The following DLC1 variants were observed in gnomAD, a reference collection of about 807,000 sequenced individuals.
DLC1 encodes the protein rho GTPase-activating protein 7.
Under a neutral mutation model 140.3 loss-of-function variants are expected in DLC1, and 54 were observed. The ratio of observed to expected loss-of-function variants is 0.38; its 90% CI spans 0.31 to 0.48. DLC1 has a LOEUF of 0.48. Among genes scored for constraint, DLC1 ranks in the 20% least tolerant of loss-of-function variants. The pLI is 0.96. For missense variants in DLC1, 2,536 were observed against 1,907.0 expected, an observed-to-expected ratio of 1.33 and a Z score of -6.14; for synonymous variants, 986 against 728.1, an observed-to-expected ratio of 1.35 and a Z score of -5.70.
chr8:13,262,638 G>T (rs548754656), intron 5 of DLC1, among the ~76,000 whole-genome samples: 76 of 152,274 alleles, frequency 5.0e-4, no homozygotes, highest in Admixed American at 4.1e-3. Context: ...TAACTCACTT[G>T]CAGCCTTGAG....
chr8:13,119,384 T>C (rs1176558736), intron 5 of DLC1, among the ~76,000 whole-genome samples: 3 of 152,132 alleles, frequency 2.0e-5, no homozygotes, highest in African/African-American at 4.8e-5. Context: ...TTCAGTGAAT[T>C]ATCTGGCCTG....
intron 4 of DLC1, among the ~76,000 whole-genome samples, chr8:13,309,947 A>G (rs1008614483): frequency 2.0e-5 from 3 of 152,198 alleles, no homozygotes; most frequent in African/African-American, 7.2e-5. Context: ...TATTTTAGAA[A>G]TGAAATGAAA....
At chr8:13,433,075 A>G (rs1838959010) in intron 2 of DLC1, among the ~76,000 whole-genome samples, 1 of 152,054 alleles carries the variant, frequency 6.6e-6, no homozygotes, top group Non-Finnish European at 1.5e-5. Context: ...ACGATGGAGT[A>G]AAGCCACTGA....
At chr8:13,260,491 G>GT (rs1303409438) in intron 5 of DLC1, among the ~76,000 whole-genome samples, 1 of 152,136 alleles carries the variant, frequency 6.6e-6, no homozygotes, top group Non-Finnish European at 1.5e-5. Flanking sequence ...AGATAATGAA[G>GT]TTAATTGTGG....
chr8:13,096,413 G>GC (rs1180101973), intron 10 of DLC1, among the ~76,000 whole-genome samples: 2 of 152,104 alleles, frequency 1.3e-5, no homozygotes, highest in Non-Finnish European at 2.9e-5. Flanking sequence ...AGCAGCCATG[G>GC]CATGTTACTG....
At chr8:13,552,244 C>CCACTT in intron 1 of DLC1, among the ~76,000 whole-genome samples, 1 of 144,986 alleles carries the variant, frequency 6.9e-6, no homozygotes, top group African/African-American at 2.5e-5. Flanking sequence ...TATATATACC[C>CCACTT]CCATACCTGT....
rs750641342 is a variant in DLC1, at chr8:13,499,138, C to A, written c.934G>T (p.Ala312Ser). The change falls in exon 2 of 18, where the codon GCA becomes TCA. Residue 312 changes from alanine (A) to serine (S), a missense_variant. By Grantham distance (99) the Ala-to-Ser change is moderately conservative (BLOSUM62 1). Transcript: ENST00000276297. ...HQNKSPPKVK[A>S]EDGMQCLQLK... The stretch of plus-strand genomic sequence containing the variant: ...TGTAAACACTGCATGCCATCTTCTG[C>A]CTTGACCTTTGGTGGACTTTTGTTT... 2 of 1,614,176 alleles carry A rather than the reference C, an allele frequency of 1.2e-6. No homozygotes were observed. The highest frequency in any genetic ancestry group is 2.2e-5 in the East Asian group (1 of 44,878).
In DLC1 at chr8:13,567,584, A is replaced by T. The variant is rs778316337; in HGVS notation, c.-126+36953T>A. 5.8e-6 allele frequency: 9 copies of T among 1,551,666 alleles called. No homozygotes were observed. In the East Asian group the frequency reaches 2.2e-4, roughly 38 times the overall value. ...GCAGCTAAGCAACACATATCTTATCAGTGTCCCTATTGTAACAGGAAAAGA... is the reference window on the plus strand; with the variant it reads ...GCAGCTAAGCAACACATATCTTATCTGTGTCCCTATTGTAACAGGAAAAGA... On this transcript the variant is annotated intron_variant, in intron 1 of 1. Transcript: ENST00000631382.
chr8:13,175,295 G>A (rs1333175077), intron 5 of DLC1, among the ~76,000 whole-genome samples: 1 of 128,572 alleles, frequency 7.8e-6, no homozygotes, highest in Non-Finnish European at 1.6e-5. Flanking sequence ...GTAATGTGAT[G>A]CCTCCAGCTT....
chr8:13,269,031 G>A (rs1830811896), intron 5 of DLC1, among the ~76,000 whole-genome samples: 1 of 151,726 alleles, frequency 6.6e-6, no homozygotes, highest in African/African-American at 2.4e-5. Flanking sequence ...CCGCCACCAC[G>A]CCTGGCTAAT....
rs976419008 is a variant in DLC1 at position 13,356,917 on chromosome 8, G to T, written c.1314+36636C>A. On this transcript the variant is annotated intron_variant, in intron 4 of 17. Coordinates refer to ENST00000276297, the MANE Select transcript of DLC1 (RefSeq NM_182643.3). ...TCACCCTTAAGATGTTAGTGTTAGG[G>T]TTGCAGAAAGTCTTGTAGGGTAGAG... 2.6e-5 allele frequency among the ~76,000 whole-genome samples: 4 copies of T among 151,670 alleles called. No homozygotes were observed. In the East Asian group the frequency reaches 7.7e-4, roughly 29 times the overall value.
chr8:13,594,178 T>A (rs532018031), intron 1 of DLC1, among the ~76,000 whole-genome samples: 1 of 151,948 alleles, frequency 6.6e-6, no homozygotes, highest in East Asian at 1.9e-4. Flanking sequence ...GGAAAAAAGA[T>A]CCTCTTTTTA....
At chr8:13,414,654 A>G (rs116179838) in intron 2 of DLC1, among the ~76,000 whole-genome samples, 1,796 of 152,338 alleles carry the variant, frequency 0.012, 45 homozygotes, top group African/African-American at 0.041. Flanking sequence ...AAAAGATAAG[A>G]TTCAAAGAGA....
intron 5 of DLC1, among the ~76,000 whole-genome samples, chr8:13,149,945 G>A (rs1823689363): frequency 6.6e-6 from 1 of 152,156 alleles, no homozygotes; most frequent in Non-Finnish European, 1.5e-5. Context: ...CACATACTTT[G>A]TTTAAAGAAA....
intron 5 of DLC1, among the ~76,000 whole-genome samples, chr8:13,139,866 T>C (rs895981651): frequency 1.3e-5 from 2 of 152,264 alleles, no homozygotes; most frequent in East Asian, 1.9e-4. Context: ...TACTTTCCCA[T>C]TGAATTAGCT....
At chr8:13,139,780 C>A (rs1159551351) in intron 5 of DLC1, among the ~76,000 whole-genome samples, 1 of 152,150 alleles carries the variant, frequency 6.6e-6, no homozygotes, top group Non-Finnish European at 1.5e-5. Flanking sequence ...TTCGTGTGTC[C>A]CCTGACTACA....
chr8:13,570,451 C>G (rs190324884), intron 1 of DLC1, among the ~76,000 whole-genome samples: 1 of 121,312 alleles, frequency 8.2e-6, no homozygotes, highest in African/African-American at 3.1e-5. Context: ...CCCCCTCCCC[C>G]CACCCCACCA....
At chr8:13,453,579 TAGA>T (rs1799258067) in intron 2 of DLC1, among the ~76,000 whole-genome samples, 2 of 124,252 alleles carry the variant, frequency 1.6e-5, no homozygotes, top group Non-Finnish European at 3.3e-5. Context: ...TTTTTTCAGA[TAGA>T]AATGTTTACT....
chr8:13,411,680 TA>T (rs1430073495), intron 2 of DLC1, among the ~76,000 whole-genome samples: 2 of 152,164 alleles, frequency 1.3e-5, no homozygotes, highest in Non-Finnish European at 2.9e-5. Flanking sequence ...GCTGGAAACC[TA>T]AAACTGCTTT....
Sources: gnomAD v4.1 joint callset for allele counts (sites outside exome capture counted in the v4.1 genomes callset) on GRCh38, gnomAD v4.1.1 for gene constraint, MANE v1.5 for transcripts, NCBI Gene and HGNC (gene_info 2026-07-23, HGNC 2026-07-21) for gene names.